The following DZIP3 variants were observed in gnomAD, a reference collection of about 807,000 sequenced individuals.
DZIP3 encodes DAZ interacting zinc finger protein 3.
Under a neutral mutation model 162.0 loss-of-function variants are expected in DZIP3, and 118 were observed. That is an observed-to-expected ratio of 0.73 (90% CI 0.63 to 0.85). The LOEUF is 0.85. DZIP3 is among the 40% of genes least tolerant of loss of function. The probability of loss-of-function intolerance (pLI) is 0.00; values close to 1 mark genes in which losing one functional copy is unlikely to be tolerated. For missense variants in DZIP3, 1,331 were observed against 1,407.0 expected (o/e 0.95, Z 0.86); for synonymous variants, 438 against 458.6 (o/e 0.96, Z 0.57).
chr3:108,622,509 A>G (rs908984036), intron 5 of DZIP3, among the ~76,000 whole-genome samples: 4 of 151,992 alleles, frequency 2.6e-5, no homozygotes, highest in African/African-American at 9.7e-5. Context: ...GTTTTCCTGG[A>G]TGGTCTTGAT....
At chr3:108,617,245 T>C (rs2123871) in intron 5 of DZIP3, among the ~76,000 whole-genome samples, 44,692 of 152,022 alleles carry the variant, frequency 0.29, 7,168 homozygotes, top group Non-Finnish European at 0.37. Flanking sequence ...GAAAATTGCC[T>C]AGAGTAGATT....
At chr3:108,659,250 A>T (rs1343034126) in intron 19 of DZIP3, among the ~76,000 whole-genome samples, 1 of 152,192 alleles carries the variant, frequency 6.6e-6, no homozygotes, top group African/African-American at 2.4e-5. Flanking sequence ...TCAATAAAAT[A>T]CTGGCAAACT....
Position 108,605,387 on chromosome 3 carries a change from G to GTAA in DZIP3, c.-19_-17dup. 1 of 1,613,282 alleles carries GTAA rather than the reference G, an allele frequency of 6.2e-7. No individual in the cohort carries two copies. Among genetic ancestry groups the GTAA allele is most frequent in the African/African-American group, 1.3e-5 (1 of 74,944 alleles). ...TGGCAAGCAGTGGAATAAGATTTTT[G>GTAA]TAAAGAAACCTTGTGCAGCATGGAT... On this transcript the variant is annotated 5_prime_UTR_variant, in exon 2 of 33. Coordinates refer to ENST00000361582, the MANE Select transcript of DZIP3 (RefSeq NM_014648.4).
rs761823361 is a variant in DZIP3, at chr3:108,688,044, T to A, written c.3218T>A (p.Phe1073Tyr). The change falls in exon 29 of 33, where the codon TTT becomes TAT. Residue 1073 changes from phenylalanine (F) to tyrosine (Y), a missense_variant. Coordinates refer to ENST00000361582, the MANE Select transcript of DZIP3 (RefSeq NM_014648.4). ...GGAAAATCCTTGTCTGAACTGACAT[T>A]TGATGAAATTGTTTGCAAGATTTCC... ...AYGKSLSELTFDEIVCKISQF... is the reference protein window; with the variant it reads ...AYGKSLSELTYDEIVCKISQF... The A allele has an allele frequency of 2.5e-6, 4 of 1,613,708 alleles. No individual in the cohort carries two copies. The highest frequency in any genetic ancestry group is 3.4e-6 in the Non-Finnish European group (4 of 1,179,786).
intron 4 of DZIP3, among the ~76,000 whole-genome samples, chr3:108,613,684 T>A (rs1341740150): frequency 6.6e-6 from 1 of 152,196 alleles, no homozygotes; most frequent in African/African-American, 2.4e-5. Context: ...AGTGGCAGAT[T>A]ATGCATTCTT....
At chr3:108,614,428 T>C (rs1029007274) in intron 4 of DZIP3, among the ~76,000 whole-genome samples, 4 of 152,198 alleles carry the variant, frequency 2.6e-5, no homozygotes, top group African/African-American at 7.2e-5. Flanking sequence ...ATTTTTGCTT[T>C]TCTAGTAAAT....
At position 108,616,653 on chromosome 3, in the gene DZIP3, A is replaced by G. The variant is rs1941032980; in HGVS notation, c.371A>G (p.Tyr124Cys). The G allele has an allele frequency of 6.4e-7, 1 of 1,569,642 alleles. No individual in the cohort carries two copies. The highest frequency in any genetic ancestry group is 8.6e-7 in the Non-Finnish European group (1 of 1,157,506). The change falls in exon 5 of 33, where the codon TAT (tyrosine) becomes TGT (cysteine). Residue 124 changes from tyrosine (Y) to cysteine (C), a missense_variant. By Grantham distance (194) the Tyr-to-Cys change is radical. Transcript: ENST00000361582. Reference protein sequence around the residue: ...AALRNIQAGNYTAHQINIGYY... With the variant: ...AALRNIQAGNCTAHQINIGYY... ...CTTAGGAACATTCAAGCTGGCAATT[A>G]TACCGTAAGTGTTTTCTTTTTGGAA...
chr3:108,617,986 G>A (rs148873211), intron 5 of DZIP3, among the ~76,000 whole-genome samples: 5 of 152,310 alleles, frequency 3.3e-5, no homozygotes, highest in African/African-American at 9.6e-5. Flanking sequence ...GCATTGTGAT[G>A]ATCAAAGCAG....
intron 31 of DZIP3, 93 bp downstream of exon 31, chr3:108,689,017 C>T: frequency 8.2e-7 from 1 of 1,213,680 alleles, no homozygotes; most frequent in East Asian, 2.5e-5. Flanking sequence ...ATTGTTGTCT[C>T]ACAAGTTCCA....
intron 32 of DZIP3, among the ~76,000 whole-genome samples, chr3:108,692,346 A>G (rs1293691915): frequency 3.9e-5 from 6 of 152,142 alleles, no homozygotes; most frequent in Admixed American, 2.6e-4. Flanking sequence ...ACAGCTTCCC[A>G]TGGGCTAAAG....
chr3:108,616,473 T>C, intron 4 of DZIP3, 68 bp from the exon 5 acceptor site: 2 of 1,050,196 alleles, frequency 1.9e-6, no homozygotes, highest in Non-Finnish European at 2.8e-6. Flanking sequence ...GAATTATTTG[T>C]ATAATGTAAA....
chr3:108,642,019 T>C (rs1459684108), intron 12 of DZIP3, among the ~76,000 whole-genome samples: 2 of 152,210 alleles, frequency 1.3e-5, no homozygotes, highest in Non-Finnish European at 1.5e-5. Context: ...CAGTAGGTGT[T>C]AAATGAGTTG....
intron 21 of DZIP3, 61 bp from the exon 22 acceptor site, chr3:108,669,620 C>A: frequency 6.7e-7 from 1 of 1,496,518 alleles, no homozygotes; most frequent in South Asian, 1.2e-5. Context: ...TAGAGCTCTT[C>A]TGACTGTGTT....
chr3:108,671,121 T>C (rs1470723599), intron 22 of DZIP3, among the ~76,000 whole-genome samples: 1 of 151,940 alleles, frequency 6.6e-6, no homozygotes, highest in African/African-American at 2.4e-5. Flanking sequence ...CTTAATTTGA[T>C]GAAGTCCGAT....
intron 1 of DZIP3, among the ~76,000 whole-genome samples, chr3:108,602,475 C>G (rs1940074330): frequency 2.0e-5 from 3 of 152,148 alleles, no homozygotes; most frequent in African/African-American, 7.2e-5. Context: ...TGACATTGAA[C>G]TTTAGCTTGC....
intron 9 of DZIP3, among the ~76,000 whole-genome samples, chr3:108,633,593 G>A (rs1941984658): frequency 6.6e-6 from 1 of 151,176 alleles, no homozygotes; most frequent in African/African-American, 2.4e-5. Flanking sequence ...GGATCTATCA[G>A]AATACTTCTG....
intron 12 of DZIP3, 69 bp from the exon 13 acceptor site, chr3:108,642,369 T>A: frequency 7.1e-7 from 1 of 1,403,224 alleles, no homozygotes; most frequent in Non-Finnish European, 9.5e-7. Flanking sequence ...GCCATGCTCA[T>A]ACTAGAAATC....
intron 20 of DZIP3, 57 bp downstream of exon 20, chr3:108,662,029 T>G (rs1943461845): frequency 6.3e-7 from 1 of 1,584,526 alleles, no homozygotes. Context: ...AATATTAAAC[T>G]TACTGGTGCT....
intron 1 of DZIP3, among the ~76,000 whole-genome samples, chr3:108,603,389 G>A (rs1233989146): frequency 1.3e-5 from 2 of 152,118 alleles, no homozygotes; most frequent in African/African-American, 4.8e-5. Flanking sequence ...CTGATCTAGT[G>A]TGAATGACAA....
Sources: allele counts gnomAD v4.1 joint callset (sites outside exome capture counted in the v4.1 genomes callset), GRCh38; gene constraint gnomAD v4.1.1; transcripts MANE v1.5; gene names NCBI Gene and HGNC (gene_info 2026-07-23, HGNC 2026-07-21).